PGCKA1: variants seen among roughly 807,000 people sequenced by gnomAD.
PGCKA1 encodes PDCD10 and GCKIII kinases associated 1, also known as PDCD10 and GCKIII kinases-associated protein 1.
the PGCKA1 span, among the ~76,000 whole-genome samples, chr4:37,454,451 C>G: frequency 6.6e-6 from 1 of 152,180 alleles, no homozygotes; most frequent in African/African-American, 2.4e-5. Context: ...CCCTCCTCCC[C>G]CATTTTAAGT....
the PGCKA1 span, among the ~76,000 whole-genome samples, chr4:37,454,434 A>T: frequency 6.6e-6 from 1 of 152,196 alleles, no homozygotes; most frequent in Non-Finnish European, 1.5e-5. Context: ...TTTACCTTAG[A>T]TCTGTGCCCT....
chr4:37,587,295 G>T, the PGCKA1 span, among the ~76,000 whole-genome samples: 1 of 152,118 alleles, frequency 6.6e-6, no homozygotes, highest in African/African-American at 2.4e-5. Context: ...AATCACATCT[G>T]CAAATACCTT....
At chr4:37,481,307 A>G in the PGCKA1 span, among the ~76,000 whole-genome samples, 1 of 151,772 alleles carries the variant, frequency 6.6e-6, no homozygotes, top group Non-Finnish European at 1.5e-5. Flanking sequence ...TAAAAAAAAA[A>G]TACAAACCTT....
chr4:37,473,064 C>T, the PGCKA1 span, among the ~76,000 whole-genome samples: 10 of 152,084 alleles, frequency 6.6e-5, no homozygotes, highest in East Asian at 5.8e-4. Flanking sequence ...CTGAACCCTT[C>T]GTAAAGTATA....
At chr4:37,553,739 G>T in the PGCKA1 span, among the ~76,000 whole-genome samples, 1 of 152,144 alleles carries the variant, frequency 6.6e-6, no homozygotes, top group South Asian at 2.1e-4. Flanking sequence ...TTATGCATTG[G>T]TATTAGGCAT....
At chr4:37,523,513 G>A in the PGCKA1 span, among the ~76,000 whole-genome samples, 4 of 151,986 alleles carry the variant, frequency 2.6e-5, no homozygotes, top group Non-Finnish European at 5.9e-5. Context: ...TTAAATTGGT[G>A]TCCCTGTAGG....
At chr4:37,510,046 T>G in the PGCKA1 span, among the ~76,000 whole-genome samples, 1 of 152,148 alleles carries the variant, frequency 6.6e-6, no homozygotes, top group African/African-American at 2.4e-5. Context: ...CTACAGAATT[T>G]CCACTTGCTT....
At chr4:37,587,427 T>G in the PGCKA1 span, among the ~76,000 whole-genome samples, 1 of 152,188 alleles carries the variant, frequency 6.6e-6, no homozygotes, top group Non-Finnish European at 1.5e-5. Context: ...TTTTATTTTT[T>G]TAATGTAAAT....
At chr4:37,513,510 A>G in the PGCKA1 span, among the ~76,000 whole-genome samples, 1 of 152,204 alleles carries the variant, frequency 6.6e-6, no homozygotes, top group African/African-American at 2.4e-5. Context: ...TTCTTCCTGC[A>G]AGGACACTAA....
chr4:37,565,968 G>A, the PGCKA1 span, among the ~76,000 whole-genome samples: 3 of 152,236 alleles, frequency 2.0e-5, no homozygotes, highest in Non-Finnish European at 4.4e-5. Context: ...TCCTTCTCCC[G>A]TGCTGGACAC....
At chr4:37,588,912 A>G in the PGCKA1 span, 1 of 1,606,718 alleles carries the variant, frequency 6.2e-7, no homozygotes, top group South Asian at 1.1e-5. Flanking sequence ...AAAGCTGGAG[A>G]AATACTACTT....
At chr4:37,578,787 G>A in the PGCKA1 span, among the ~76,000 whole-genome samples, 1 of 152,118 alleles carries the variant, frequency 6.6e-6, no homozygotes, top group South Asian at 2.1e-4. Context: ...TTCTGGCCTG[G>A]TGCGGTGGCC....
At chr4:37,542,079 G>A in the PGCKA1 span, among the ~76,000 whole-genome samples, 2 of 152,170 alleles carry the variant, frequency 1.3e-5, no homozygotes, top group Non-Finnish European at 2.9e-5. Context: ...CCATTGGACA[G>A]GCCGGGTCTC....
At chr4:37,571,820 CAG>C in the PGCKA1 span, among the ~76,000 whole-genome samples, 1 of 151,982 alleles carries the variant, frequency 6.6e-6, no homozygotes, top group Non-Finnish European at 1.5e-5. Flanking sequence ...TTAGTAGAAA[CAG>C]GGTTTCACCA....
At chr4:37,560,091 C>T in the PGCKA1 span, among the ~76,000 whole-genome samples, 2 of 152,214 alleles carry the variant, frequency 1.3e-5, no homozygotes, top group Non-Finnish European at 2.9e-5. Context: ...TCTAGTCATC[C>T]TCACTTCCAC....
At chr4:37,493,277 C>T in the PGCKA1 span, among the ~76,000 whole-genome samples, 1 of 152,124 alleles carries the variant, frequency 6.6e-6, no homozygotes, top group African/African-American at 2.4e-5. Flanking sequence ...AGAGGTCCAA[C>T]AACATGTAAT....
At chr4:37,509,803 A>AAATACG in the PGCKA1 span, among the ~76,000 whole-genome samples, 1 of 151,868 alleles carries the variant, frequency 6.6e-6, no homozygotes, top group South Asian at 2.1e-4. Context: ...TCCACCAAAA[A>AAATACG]AATACGAAAA....
At chr4:37,559,827 A>G in the PGCKA1 span, among the ~76,000 whole-genome samples, 1 of 151,984 alleles carries the variant, frequency 6.6e-6, no homozygotes, top group South Asian at 2.1e-4. Context: ...TCTTCTATAT[A>G]TTTTTACTCC....
chr4:37,540,792 G>T, the PGCKA1 span, among the ~76,000 whole-genome samples: 1 of 152,064 alleles, frequency 6.6e-6, no homozygotes, highest in South Asian at 2.1e-4. Context: ...TGTAGAGGTG[G>T]GGGTGGGAGT....
Sources: allele counts gnomAD v4.1 joint callset (sites outside exome capture counted in the v4.1 genomes callset), GRCh38; gene constraint gnomAD v4.1.1; transcripts MANE v1.5; gene names NCBI Gene and HGNC (gene_info 2026-07-23, HGNC 2026-07-21).